The following ZFYVE16 variants were observed in gnomAD, a reference collection of about 807,000 sequenced individuals.
ZFYVE16 encodes the protein zinc finger FYVE domain-containing protein 16.
A neutral mutation model predicts 138.1 loss-of-function variants in ZFYVE16; 89 were observed. The ratio of observed to expected loss-of-function variants is 0.64; its 90% confidence interval spans 0.54 to 0.77. ZFYVE16 has a LOEUF of 0.77. ZFYVE16 is among the 30% of genes least tolerant of loss of function. ZFYVE16 has a pLI of 0.00. For synonymous variants in ZFYVE16, 596 were observed against 618.3 expected, an observed-to-expected ratio of 0.96 and a Z score of 0.53; for missense variants, 1,793 against 1,786.7, an observed-to-expected ratio of 1.00 and a Z score of -0.06.
intron 12 of ZFYVE16, chr5:80,456,183 A>G (rs1752510565): frequency 3.0e-6 from 1 of 333,966 alleles, no homozygotes; most frequent in Non-Finnish European, 5.4e-6. Context: ...GATGATATCT[A>G]AAGTTCCCTT....
At chr5:80,435,792 CT>C in intron 3 of ZFYVE16, 1 of 391,654 alleles carries the variant, frequency 2.6e-6, no homozygotes, top group Non-Finnish European at 5.1e-6. Flanking sequence ...TCAGGCTGGT[CT>C]TGAACTCCTG....
intron 18 of ZFYVE16, among the ~76,000 whole-genome samples, chr5:80,476,707 A>G (rs1052336548): frequency 5.3e-5 from 8 of 152,180 alleles, no homozygotes; most frequent in African/African-American, 1.7e-4. Flanking sequence ...CTTACTGGAA[A>G]AGGGGTTTTG....
Position 80,477,481 on chromosome 5 carries a change from T to A in ZFYVE16, c.*104T>A. ...CACTAAAAGTATAAATATGTCTGAT[T>A]TTTGAAACACATAAGCTTTGCTCTT... On this transcript the variant is annotated 3_prime_UTR_variant, in exon 19 of 19. Coordinates refer to ENST00000505560, the MANE Select transcript of ZFYVE16 (RefSeq NM_001284236.3). The A allele has an allele frequency of 9.2e-7, 1 of 1,081,156 alleles. No individual in the cohort carries two copies. 67.0% of individuals were successfully genotyped at this position (1,081,156 alleles called of 1,614,324 possible). A position where few individuals can be genotyped will look rare whatever the true frequency, so the allele number is the denominator to read the frequency against.
At chr5:80,407,741 C>T (rs1744811719), upstream of ZFYVE16, among the ~76,000 whole-genome samples, 1 of 152,192 alleles carries the variant, frequency 6.6e-6, no homozygotes, top group African/African-American at 2.4e-5. Context: ...GAAGCTGCCT[C>T]TAGGTTAGCG....
At chr5:80,461,021 A>AT (rs912985607) in intron 15 of ZFYVE16, among the ~76,000 whole-genome samples, 13 of 152,142 alleles carry the variant, frequency 8.5e-5, no homozygotes, top group Non-Finnish European at 1.5e-4. Flanking sequence ...AAGAAAAAGT[A>AT]TTTTTTTAGA....
In ZFYVE16 at chr5:80,443,584, A is replaced by C. The variant is rs568139427; in HGVS notation, c.2581+300A>C. On this transcript the variant is annotated intron_variant, in intron 6 of 18. Transcript: ENST00000505560. The stretch of plus-strand genomic sequence containing the variant: ...GAGGTGCTTGGATCTCAGATGTGGG[A>C]GTCAGAAGCCCTGGTCACAGCACCA... 1.4e-4 allele frequency among the ~76,000 whole-genome samples: 21 copies of C among 152,318 alleles called. No homozygotes were observed. The South Asian group carries it at 3.9e-3, about 29-fold the overall frequency.
intron 12 of ZFYVE16, 69 bp from the exon 13 acceptor site, chr5:80,456,392 A>G (rs1010583861): frequency 1.6e-6 from 2 of 1,213,144 alleles, no homozygotes; most frequent in Non-Finnish European, 2.4e-6. Flanking sequence ...GGATTTCTTA[A>G]AGAAGGATTT....
chr5:80,445,483 TG>T (rs1751219264), intron 7 of ZFYVE16, 78 bp downstream of exon 7: 2 of 1,263,150 alleles, frequency 1.6e-6, no homozygotes, highest in Non-Finnish European at 1.1e-6. Context: ...ATTATTAGAG[TG>T]CTTTTTTTTT....
In ZFYVE16 at chr5:80,438,172, G is replaced by A. The variant is rs757572671; in HGVS notation, c.1487G>A (p.Cys496Tyr). 6.2e-7 allele frequency: 1 copy of A among 1,613,900 alleles called. No homozygotes were observed. Among genetic ancestry groups the A allele is most frequent in the East Asian group, 2.2e-5 (1 of 44,848 alleles). ...GTHVPESSDC[C>Y]EGFINTFSSN... ...CATGTCCCAGAGTCTTCTGATTGTT[G>A]TGAAGGTTTTATTAATACTTTTTCA... Residue 496 changes from cysteine (C) to tyrosine (Y), a missense_variant, in exon 4 of 19, where the codon TGT (cysteine) becomes TAT (tyrosine). Coordinates refer to ENST00000505560, the MANE Select transcript of ZFYVE16 (RefSeq NM_001284236.3).
At chr5:80,457,215 T>C in intron 14 of ZFYVE16, 123 bp downstream of exon 14, 1 of 1,380,758 alleles carries the variant, frequency 7.2e-7, no homozygotes, top group South Asian at 1.4e-5. Context: ...ACAATATGTT[T>C]TGAAATTTCA....
intron 1 of ZFYVE16, among the ~76,000 whole-genome samples, chr5:80,426,272 G>GTGTGTGTGTGTATATA (rs1370196862): frequency 3.8e-5 from 1 of 26,400 alleles, no homozygotes; most frequent in African/African-American, 5.9e-5. Context: ...GTGTGTGTGT[G>GTGTGTGTGTGTATATA]TATATATATA....
At chr5:80,426,992 C>T (rs1185246309) in intron 1 of ZFYVE16, among the ~76,000 whole-genome samples, 1 of 151,544 alleles carries the variant, frequency 6.6e-6, no homozygotes, top group Non-Finnish European at 1.5e-5. Context: ...TTGCATTTCT[C>T]TAATGATCAG....
In ZFYVE16 at chr5:80,482,447, T is replaced by C. The variant is rs781494648; in HGVS notation, c.*5070T>C. Reference sequence around the variant, plus strand: ...ACAATATGAAACAGTCTAATATTCATGTCTTAGGAGCCCAGAAAGAACAAT... The same window carrying C: ...ACAATATGAAACAGTCTAATATTCACGTCTTAGGAGCCCAGAAAGAACAAT... On this transcript the variant is annotated 3_prime_UTR_variant, in exon 19 of 19. Coordinates refer to ENST00000505560, the MANE Select transcript of ZFYVE16 (RefSeq NM_001284236.3). 2 of 152,186 alleles carry C rather than the reference T, an allele frequency of 1.3e-5. No individual in the cohort carries two copies. Among genetic ancestry groups the C allele is most frequent in the Non-Finnish European group, 2.9e-5 (2 of 68,038 alleles). The allele number at this position is 152,186 out of a possible 1,614,324, so 9.4% of individuals were successfully genotyped here.
At chr5:80,435,069 C>G (rs966839608) in intron 3 of ZFYVE16, among the ~76,000 whole-genome samples, 1 of 151,338 alleles carries the variant, frequency 6.6e-6, no homozygotes, top group Non-Finnish European at 1.5e-5. Flanking sequence ...GAGTCTCACT[C>G]TCTTGTCCAG....
At chr5:80,452,934 C>G (rs1752140932) in intron 11 of ZFYVE16, among the ~76,000 whole-genome samples, 2 of 152,038 alleles carry the variant, frequency 1.3e-5, no homozygotes, top group Non-Finnish European at 2.9e-5. Flanking sequence ...TAGTGTTAAA[C>G]TTTTTTGAAT....
chr5:80,418,259 C>A (rs1408353028), intron 1 of ZFYVE16, among the ~76,000 whole-genome samples: 3 of 149,118 alleles, frequency 2.0e-5, no homozygotes, highest in Non-Finnish European at 4.5e-5. Context: ...TTTCCTTTCC[C>A]CTCCTCTTTG....
In ZFYVE16 at chr5:80,437,695, T is replaced by A; in HGVS notation, c.1010T>A (p.Val337Asp). The A allele has an allele frequency of 6.2e-7, 1 of 1,613,776 alleles. No homozygotes were observed. The highest frequency in any genetic ancestry group is 1.3e-5 in the African/African-American group (1 of 75,008). ...TTTTCCTTTCAGGAAGATAAGACTG[T>A]TATAAAACAATCTGCACAAGAAGAC... The part of the protein sequence containing the change: ...PDFSFQEDKT[V>D]IKQSAQEDSK... Residue 337 changes from valine to aspartate, a missense_variant, in exon 4 of 19, where the codon GTT becomes GAT. Val to Asp is a radical substitution (Grantham distance 152, BLOSUM62 -3). Transcript: ENST00000505560.
intron 15 of ZFYVE16, among the ~76,000 whole-genome samples, chr5:80,466,078 C>T (rs904652139): frequency 2.6e-5 from 4 of 151,920 alleles, no homozygotes; most frequent in Non-Finnish European, 4.4e-5. Context: ...GCACCCACCA[C>T]CACGCCCAGC....
intron 6 of ZFYVE16, chr5:80,443,768 C>G (rs774944139): frequency 2.2e-6 from 1 of 456,266 alleles, no homozygotes; most frequent in South Asian, 1.5e-5. Flanking sequence ...CTTCTTATTT[C>G]TTCCCACCTT....
Sources: allele counts gnomAD v4.1 joint callset (sites outside exome capture counted in the v4.1 genomes callset), GRCh38; gene constraint gnomAD v4.1.1; transcripts MANE v1.5; gene names NCBI Gene and HGNC (gene_info 2026-07-23, HGNC 2026-07-21).